Variants in LPAR1 observed in about 807,000 individuals in gnomAD.
LPAR1 encodes LPA receptor 1.
LPAR1 carries 5 observed loss-of-function variants against 23.8 expected under a neutral mutation model. The observed-to-expected ratio is 0.21, with a 90% CI of 0.11 to 0.44. LPAR1 has a LOEUF of 0.44. LPAR1 is among the 20% of genes least tolerant of loss of function. The pLI is 0.99. For missense variants in LPAR1, 311 were observed against 482.8 expected (o/e 0.64, Z 3.33); for synonymous variants, 160 against 164.7 (o/e 0.97, Z 0.22).
At chr9:110,997,744 T>A (rs2097046695) in intron 2 of LPAR1, among the ~76,000 whole-genome samples, 1 of 152,226 alleles carries the variant, frequency 6.6e-6, no homozygotes. Context: ...AACAAACGTA[T>A]TATATTCTAC....
intron 2 of LPAR1, among the ~76,000 whole-genome samples, chr9:111,007,902 G>A (rs372733335): frequency 2.0e-5 from 3 of 152,092 alleles, no homozygotes; most frequent in Non-Finnish European, 2.9e-5. Flanking sequence ...TGCCGAGCGC[G>A]GTGGCTCACA....
chr9:110,948,232 G>A (rs2136457352), intron 4 of LPAR1, among the ~76,000 whole-genome samples: 1 of 152,220 alleles, frequency 6.6e-6, no homozygotes, highest in Middle Eastern at 3.4e-3. Flanking sequence ...ATTCCATTAA[G>A]TCTCTATTAA....
At chr9:110,881,622 C>T (rs777224833) in intron 5 of LPAR1, among the ~76,000 whole-genome samples, 2 of 152,164 alleles carry the variant, frequency 1.3e-5, no homozygotes, top group African/African-American at 2.4e-5. Context: ...AATGCTAGTG[C>T]CATTCTTACA....
At chr9:110,970,147 G>A (rs2096368850) in intron 4 of LPAR1, among the ~76,000 whole-genome samples, 1 of 152,152 alleles carries the variant, frequency 6.6e-6, no homozygotes, top group Non-Finnish European at 1.5e-5. Flanking sequence ...AGGAGCTTGT[G>A]TAACAGAGAA....
chr9:110,961,860 T>TTACCTCCCACCAGG (rs1162604798), intron 4 of LPAR1, among the ~76,000 whole-genome samples: 28 of 151,986 alleles, frequency 1.8e-4, no homozygotes, highest in African/African-American at 6.8e-4. Flanking sequence ...CGTGATTCAA[T>TTACCTCCCACCAGG]TACCTCCCAC....
At chr9:111,032,222 A>C (rs1171106212) in intron 2 of LPAR1, among the ~76,000 whole-genome samples, 5 of 152,300 alleles carry the variant, frequency 3.3e-5, no homozygotes, top group African/African-American at 7.2e-5. Flanking sequence ...GGAGTAGCGA[A>C]ACTGGAGATA....
intron 2 of LPAR1, among the ~76,000 whole-genome samples, chr9:111,022,800 C>T (rs1029051002): frequency 2.0e-5 from 3 of 151,992 alleles, no homozygotes; most frequent in Non-Finnish European, 4.4e-5. Context: ...TCTGTAATCC[C>T]AGCACTTTGG....
intron 2 of LPAR1, among the ~76,000 whole-genome samples, chr9:111,033,799 C>T (rs535656606): frequency 6.6e-6 from 1 of 152,240 alleles, no homozygotes; most frequent in East Asian, 1.9e-4. Context: ...GTGATCCACC[C>T]GCCTCAGCCT....
chr9:111,022,775 G>A (rs565008091), intron 2 of LPAR1, among the ~76,000 whole-genome samples: 2 of 152,096 alleles, frequency 1.3e-5, no homozygotes, highest in South Asian at 2.1e-4. Context: ...CTATTGCCGG[G>A]CGCGGTGGCT....
intron 2 of LPAR1, among the ~76,000 whole-genome samples, chr9:110,999,655 A>C (rs2140107895): frequency 6.6e-6 from 1 of 152,262 alleles, no homozygotes; most frequent in East Asian, 1.9e-4. Context: ...CGATCTTCTC[A>C]ATTTAGCCTC....
chr9:111,022,547 A>G (rs2097578678), intron 2 of LPAR1, among the ~76,000 whole-genome samples: 1 of 152,214 alleles, frequency 6.6e-6, no homozygotes, highest in Admixed American at 6.5e-5. Context: ...TTATATTCAA[A>G]TCAACAAGAA....
At chr9:111,004,682 T>C (rs2097183228) in intron 2 of LPAR1, among the ~76,000 whole-genome samples, 1 of 152,190 alleles carries the variant, frequency 6.6e-6, no homozygotes, top group Admixed American at 6.5e-5. Context: ...CCTCTTCCTC[T>C]GATGACTAGG....
rs114726456 is a variant in LPAR1 at position 110,984,041 on chromosome 9, A to C, written c.-181-10483T>G. Among the ~76,000 whole-genome samples the C allele has an allele frequency of 5.6e-3, 855 of 152,132 alleles. 11 individuals carry two copies. Among genetic ancestry groups the C allele is most frequent in the African/African-American group, 0.019 (806 of 41,536 alleles). On this transcript the variant is annotated intron_variant, in intron 2 of 5. Transcript: ENST00000683809. ...ATGGGATATTCTGATGCAGGCATGC[A>C]ATATGTAATAGTCACATCATGGTAA...
At chr9:110,989,659 A>G (rs1328689235) in intron 2 of LPAR1, among the ~76,000 whole-genome samples, 4 of 152,200 alleles carry the variant, frequency 2.6e-5, no homozygotes, top group Non-Finnish European at 5.9e-5. Flanking sequence ...ATGAAATCAT[A>G]AAGTATACCA....
chr9:111,008,015 A>C (rs1037638159), intron 2 of LPAR1, among the ~76,000 whole-genome samples: 3 of 152,050 alleles, frequency 2.0e-5, no homozygotes, highest in African/African-American at 7.2e-5. Flanking sequence ...CTCTACTAAA[A>C]ATACAAAAAT....
chr9:110,952,270 T>G (rs2095593764), intron 4 of LPAR1, among the ~76,000 whole-genome samples: 1 of 151,888 alleles, frequency 6.6e-6, no homozygotes, highest in Non-Finnish European at 1.5e-5. Flanking sequence ...CCCACCAGAC[T>G]CCAATCCTAG....
intron 5 of LPAR1, among the ~76,000 whole-genome samples, chr9:110,909,732 T>TTTAA (rs2092101601): frequency 9.2e-6 from 1 of 108,142 alleles, no homozygotes; most frequent in Admixed American, 8.8e-5. Context: ...AAATAAAGTA[T>TTTAA]TTATTTATTT....
intron 2 of LPAR1, among the ~76,000 whole-genome samples, chr9:111,004,506 C>A (rs748790159): frequency 2.0e-5 from 3 of 152,128 alleles, no homozygotes; most frequent in Non-Finnish European, 4.4e-5. Context: ...ACCTTAAGAT[C>A]ACTGACCTCT....
intron 4 of LPAR1, among the ~76,000 whole-genome samples, chr9:110,968,377 T>C (rs746220225): frequency 3.9e-5 from 6 of 152,156 alleles, no homozygotes; most frequent in Non-Finnish European, 7.4e-5. Flanking sequence ...TACAATCTCA[T>C]GCCCCACTGT....
Sources: allele counts gnomAD v4.1 joint callset (sites outside exome capture counted in the v4.1 genomes callset), GRCh38; gene constraint gnomAD v4.1.1; transcripts MANE v1.5; gene names NCBI Gene and HGNC (gene_info 2026-07-23, HGNC 2026-07-21).